Variants in SEMA4D observed in about 807,000 individuals in gnomAD.
SEMA4D encodes the protein semaphorin 4D.
SEMA4D carries 22 observed loss-of-function variants against 74.8 expected under a neutral mutation model. The observed-to-expected ratio is 0.29, with a 90% CI of 0.21 to 0.42. SEMA4D has a LOEUF of 0.42. Among genes scored for constraint, SEMA4D ranks in the 10% least tolerant of loss-of-function variants. SEMA4D has a pLI of 1.00. For missense variants in SEMA4D, 937 were observed against 1,118.4 expected (o/e 0.84, Z 2.31); for synonymous variants, 445 against 463.7 (o/e 0.96, Z 0.52).
At chr9:89,364,213 C>T (rs1833219503) in intron 16 of SEMA4D, 1 of 614,636 alleles carries the variant, frequency 1.6e-6, no homozygotes, top group Non-Finnish European at 2.7e-6. Context: ...CCTGTGTCCC[C>T]TAGGACCCCC....
chr9:89,393,809 A>G (rs962485231), intron 6 of SEMA4D, among the ~76,000 whole-genome samples, 154 bp from the exon 7 acceptor site: 6 of 152,224 alleles, frequency 3.9e-5, no homozygotes, highest in Non-Finnish European at 2.9e-5. Context: ...CCCGCCCACT[A>G]GGGCCAGGGC....
chr9:89,464,075 G>T (rs569991910), intron 1 of SEMA4D, among the ~76,000 whole-genome samples: 2 of 152,016 alleles, frequency 1.3e-5, no homozygotes, highest in African/African-American at 4.8e-5. Context: ...TTAAATTTCA[G>T]AATCAGAACA....
chr9:89,449,926 G>C, intron 2 of SEMA4D: 2 of 1,458,378 alleles, frequency 1.4e-6, no homozygotes, highest in South Asian at 2.3e-5. Context: ...AATGTAGCTC[G>C]TACTTTTCTG....
chr9:89,363,458 C>T (rs759906095), exon 18 of SEMA4D: 51 of 1,613,780 alleles, frequency 3.2e-5, no homozygotes, highest in African/African-American at 1.1e-4. Flanking sequence ...CTGCATCATC[C>T]GGTCGTGCTC....
At position 89,471,840 on chromosome 9, in the gene SEMA4D, GCTCAGGTGCATGCCAA is replaced by G. The variant is rs1270940525; in HGVS notation, c.-309-15903_-309-15888del. On this transcript the variant is annotated intron_variant, in intron 1 of 15. Transcript: ENST00000422704. Reference sequence around the variant, plus strand: ...TGCATACAGGCTGAGGTGCATGCCAGCTCAGGTGCATGCCAACTCAGGTGCATATAGGTTGAGGTGC... The same window carrying G: ...TGCATACAGGCTGAGGTGCATGCCAGCTCAGGTGCATATAGGTTGAGGTGC... 1.1e-3 allele frequency among the ~76,000 whole-genome samples: 149 copies of G among 132,016 alleles called. 6 individuals carry two copies. The highest frequency in any genetic ancestry group is 3.8e-3 in the African/African-American group (139 of 36,402). The allele number at this position is 132,016 out of a possible 152,430, so 86.6% of individuals were successfully genotyped here. A position where few individuals can be genotyped will look rare whatever the true frequency, so the allele number is the denominator to read the frequency against.
At chr9:89,386,110 A>G in intron 13 of SEMA4D, 1 of 983,042 alleles carries the variant, frequency 1.0e-6, no homozygotes, top group Non-Finnish European at 1.2e-6. Flanking sequence ...GTAAAGCTGC[A>G]CCAACAACTC....
chr9:89,488,352 CT>C (rs1158168446), intron 1 of SEMA4D, among the ~76,000 whole-genome samples: 1,305 of 62,466 alleles, frequency 0.021, 3 homozygotes, highest in African/African-American at 0.077. Context: ...GATCACAGAT[CT>C]TTTTTTTTTT....
At chr9:89,388,571 G>A (rs1839085401) in intron 11 of SEMA4D, 65 bp downstream of exon 11, 11 of 1,552,414 alleles carry the variant, frequency 7.1e-6, no homozygotes, top group African/African-American at 2.8e-5. Context: ...CCCAGTGCCT[G>A]TACTGGATTC....
chr9:89,363,677 T>C, intron 17 of SEMA4D: 2 of 1,593,838 alleles, frequency 1.3e-6, no homozygotes, highest in Non-Finnish European at 1.7e-6. Flanking sequence ...TTTTTTTCAC[T>C]GCCATTGTAA....
At chr9:89,427,828 T>C (rs1046177977) in intron 2 of SEMA4D, among the ~76,000 whole-genome samples, 1 of 152,074 alleles carries the variant, frequency 6.6e-6, no homozygotes, top group African/African-American at 2.4e-5. Flanking sequence ...ACGTGGCGGG[T>C]CACACGTGGG....
rs924738253 is a variant in SEMA4D at position 89,484,107 on chromosome 9, G to T, written c.-310+13812C>A. On this transcript the variant is annotated intron_variant, in intron 1 of 15. Coordinates refer to ENST00000422704, the MANE Select transcript of SEMA4D (RefSeq NM_001371194.2). The surrounding 1 kb of genome is among the most constrained non-coding windows in gnomAD (Gnocchi z 4.1). Reference sequence around the variant, plus strand: ...CTGGCAGGCACAGAAGGGCTTCCGGGCTCCCCCAGGAACTGGAGCCTTAAA... The same window carrying T: ...CTGGCAGGCACAGAAGGGCTTCCGGTCTCCCCCAGGAACTGGAGCCTTAAA... Among the ~76,000 whole-genome samples, 2 of 152,260 alleles carry T rather than the reference G, an allele frequency of 1.3e-5. No homozygotes were observed. Among genetic ancestry groups the T allele is most frequent in the Non-Finnish European group, 2.9e-5 (2 of 68,040 alleles).
At chr9:89,445,158 G>C (rs764259770) in intron 2 of SEMA4D, among the ~76,000 whole-genome samples, 8 of 152,290 alleles carry the variant, frequency 5.3e-5, no homozygotes, top group East Asian at 1.9e-4. Flanking sequence ...AGCTCCCTGT[G>C]CTCACAGGGA....
chr9:89,454,742 C>A (rs1273284563), intron 2 of SEMA4D, among the ~76,000 whole-genome samples: 1 of 152,206 alleles, frequency 6.6e-6, no homozygotes, highest in Non-Finnish European at 1.5e-5. Context: ...CCAGAGCCTA[C>A]AATCCTGCAC....
chr9:89,473,197 G>GT (rs1222269953), intron 1 of SEMA4D, among the ~76,000 whole-genome samples: 1 of 152,168 alleles, frequency 6.6e-6, no homozygotes, highest in Non-Finnish European at 1.5e-5. Flanking sequence ...TTTGAAATAT[G>GT]TAAGTTGTGC....
intron 16 of SEMA4D, chr9:89,364,240 G>A (rs1338333370): frequency 2.0e-6 from 1 of 507,152 alleles, no homozygotes; most frequent in Non-Finnish European, 3.5e-6. Context: ...GCAGCGCTGT[G>A]CTGGTTTCTT....
At chr9:89,458,925 A>C (rs1208240176) in intron 1 of SEMA4D, among the ~76,000 whole-genome samples, 1 of 116,990 alleles carries the variant, frequency 8.5e-6, no homozygotes, top group African/African-American at 2.7e-5. Context: ...TATACTGCAC[A>C]CACCCACATG....
In SEMA4D at chr9:89,393,710, CAAT is replaced by C. The variant is rs1840324815; in HGVS notation, c.415-58_415-56del. On this transcript the variant is annotated intron_variant, in intron 6 of 15. Transcript: ENST00000422704. Reference sequence around the variant, plus strand: ...TCAGATGGCTGAATTTCTATAGTAACAATGTGTCTCTGTACCACTTCATTTTAC... The same window carrying C: ...TCAGATGGCTGAATTTCTATAGTAACGTGTCTCTGTACCACTTCATTTTAC... The C allele has an allele frequency of 3.0e-6, 4 of 1,324,614 alleles. No individual in the cohort carries two copies. The Admixed American group carries it at 6.7e-5, about 22-fold the overall frequency. 82.1% of individuals were successfully genotyped at this position (1,324,614 alleles called of 1,614,324 possible).
At chr9:89,406,192 AACATATGCGCAC>A (rs1164115717) in intron 2 of SEMA4D, among the ~76,000 whole-genome samples, 1 of 152,206 alleles carries the variant, frequency 6.6e-6, no homozygotes, top group African/African-American at 2.4e-5. Flanking sequence ...GCACACACAC[AACATATGCGCAC>A]ACATATGTAC....
At chr9:89,362,080 C>G in exon 19 of SEMA4D, 1 of 527,578 alleles carries the variant, frequency 1.9e-6, no homozygotes, top group Admixed American at 3.1e-5. Context: ...CCTGCACACA[C>G]CCTGCTGTTT....
Sources: gnomAD v4.1 joint callset for allele counts (sites outside exome capture counted in the v4.1 genomes callset) on GRCh38, gnomAD v4.1.1 for gene constraint, Gnocchi (gnomAD v3.1) non-coding constraint, MANE v1.5 for transcripts, NCBI Gene and HGNC (gene_info 2026-07-23, HGNC 2026-07-21) for gene names.